The following ATP11C variants were observed in gnomAD, a reference collection of about 807,000 sequenced individuals.
ATP11C encodes phospholipid-transporting ATPase IG.
ATP11C carries 36 observed loss-of-function variants against 97.4 expected under a neutral mutation model. That is an observed-to-expected ratio of 0.37 (90% CI 0.28 to 0.49). The LOEUF is 0.49. Among genes scored for constraint, ATP11C ranks in the 20% least tolerant of loss-of-function variants. ATP11C has a pLI of 0.98. For synonymous variants in ATP11C, 275 were observed against 290.9 expected, an observed-to-expected ratio of 0.95 and a Z score of 0.56; for missense variants, 730 against 824.6, an observed-to-expected ratio of 0.89 and a Z score of 1.40.
intron 1 of ATP11C, among the ~76,000 whole-genome samples, chrX:139,848,173 C>T (rs1196443776): frequency 9.0e-6 from 1 of 111,701 alleles, no homozygotes; most frequent in Non-Finnish European, 1.9e-5. Flanking sequence ...GGTCTCTGGT[C>T]ACTTATTGCC....
At chrX:139,769,281 C>CATATAT (rs55984113) in intron 19 of ATP11C, among the ~76,000 whole-genome samples, 577 of 28,018 alleles carry the variant, frequency 0.021, 19 homozygotes, top group Non-Finnish European at 0.028. Flanking sequence ...GGCAAACATA[C>CATATAT]ATATATATAT....
chrX:139,761,927 A>G (rs770942284), intron 22 of ATP11C, 34 bp downstream of exon 22: 1 of 1,057,562 alleles, frequency 9.5e-7, no homozygotes, highest in Non-Finnish European at 1.3e-6. Context: ...GCTGGATTAA[A>G]AAGAAATTAA....
intron 1 of ATP11C, among the ~76,000 whole-genome samples, chrX:139,930,638 T>C (rs182139832): frequency 1.2e-3 from 138 of 112,045 alleles, no homozygotes; most frequent in African/African-American, 4.1e-3. Flanking sequence ...AGCAAAGCTA[T>C]CAGTACAAGC....
At chrX:139,856,186 G>A (rs1403424962) in intron 1 of ATP11C, among the ~76,000 whole-genome samples, 1 of 112,358 alleles carries the variant, frequency 8.9e-6, no homozygotes, top group African/African-American at 3.2e-5. Flanking sequence ...AGTCGACCAG[G>A]CGTGGACTGC....
intron 19 of ATP11C, among the ~76,000 whole-genome samples, chrX:139,772,030 A>G (rs1424932473): frequency 1.8e-5 from 2 of 112,172 alleles, no homozygotes; most frequent in African/African-American, 6.5e-5. Flanking sequence ...AGCCCCTCCC[A>G]TCACAGGCCC....
At chrX:139,791,668 T>TA (rs2082692846) in intron 12 of ATP11C, among the ~76,000 whole-genome samples, 1 of 111,104 alleles carries the variant, frequency 9.0e-6, no homozygotes. Context: ...GGATCATATT[T>TA]ACAGAACCAC....
In ATP11C at chrX:139,789,452, T is replaced by C; in HGVS notation, c.1243A>G (p.Thr415Ala). The change falls in exon 13 of 30, where the codon ACT (threonine) becomes GCT (alanine). Residue 415 changes from threonine (T) to alanine (A), a missense_variant. By Grantham distance (58) the Thr-to-Ala change is moderately conservative. Transcript: ENST00000682941. ...TCAATGAATTCCATGCTGTTTTCAG[T>C]GAGTGTTCCAGTCTTATCTGTAAAT... ...YVFTDKTGTL[T>A]ENSMEFIECC... 1 of 1,204,639 alleles carries C rather than the reference T, an allele frequency of 8.3e-7. No homozygotes were observed. The highest frequency in any genetic ancestry group is 1.1e-6 in the Non-Finnish European group (1 of 892,052).
At chrX:139,896,404 A>T (rs776085525) in intron 1 of ATP11C, among the ~76,000 whole-genome samples, 2 of 111,263 alleles carry the variant, frequency 1.8e-5, no homozygotes, top group South Asian at 7.7e-4. Context: ...AAAGTCTGAG[A>T]AACTGTCACA....
rs190663404 is a variant in ATP11C, at chrX:139,812,069, C to T, written c.426+2809G>A. 2.3e-3 allele frequency among the ~76,000 whole-genome samples: 252 copies of T among 111,137 alleles called. 2 individuals carry two copies. Among genetic ancestry groups the T allele is most frequent in the Non-Finnish European group, 3.7e-3 (198 of 53,065 alleles). ...TTTTAAAAATCATCAAGTCACTCTC[C>T]GGCTTTAACACTTCAAAGACTCCCC... On this transcript the variant is annotated intron_variant, in intron 5 of 29. Transcript: ENST00000682941.
intron 1 of ATP11C, among the ~76,000 whole-genome samples, chrX:139,863,611 T>C (rs2084236956): frequency 8.9e-6 from 1 of 111,757 alleles, no homozygotes; most frequent in South Asian, 3.8e-4. Flanking sequence ...TGGTATGCCA[T>C]TACTGATGCT....
At chrX:139,916,900 G>C (rs745541268) in intron 1 of ATP11C, among the ~76,000 whole-genome samples, 3 of 111,350 alleles carry the variant, frequency 2.7e-5, no homozygotes, top group Non-Finnish European at 3.8e-5. Flanking sequence ...AAAACCACGT[G>C]ACACTGGCGT....
intron 18 of ATP11C, among the ~76,000 whole-genome samples, chrX:139,782,051 G>A (rs1015893675): frequency 1.3e-4 from 15 of 112,031 alleles, no homozygotes; most frequent in Non-Finnish European, 2.6e-4. Flanking sequence ...TACTGGCTGG[G>A]TGTGGTGGCT....
intron 1 of ATP11C, among the ~76,000 whole-genome samples, chrX:139,844,101 T>G (rs1053912682): frequency 2.7e-5 from 3 of 111,616 alleles, no homozygotes; most frequent in African/African-American, 9.8e-5. Context: ...CCTTATAAAA[T>G]CAAAATGACC....
chrX:139,885,939 C>T (rs2084634304), intron 1 of ATP11C, among the ~76,000 whole-genome samples: 1 of 110,174 alleles, frequency 9.1e-6, no homozygotes, highest in Admixed American at 9.7e-5. Flanking sequence ...AATAATAAAA[C>T]ACAAAATGAT....
chrX:139,732,112 C>T (rs1459376703), intron 28 of ATP11C, among the ~76,000 whole-genome samples: 1 of 110,227 alleles, frequency 9.1e-6, no homozygotes, highest in Non-Finnish European at 1.9e-5. Flanking sequence ...AGAGTTGTGC[C>T]GGTGCCGTAT....
intron 1 of ATP11C, among the ~76,000 whole-genome samples, chrX:139,827,894 T>C (rs938628604): frequency 8.9e-6 from 1 of 111,943 alleles, no homozygotes; most frequent in Non-Finnish European, 1.9e-5. Context: ...CCAGTCTGAA[T>C]TTGTGCATCT....
At chrX:139,816,970 T>C in intron 3 of ATP11C, 27 bp from the exon 4 acceptor site, 1 of 1,065,823 alleles carries the variant, frequency 9.4e-7, no homozygotes, top group Non-Finnish European at 1.3e-6. Flanking sequence ...AAATTGAAAG[T>C]AAAATGAAAA....
intron 12 of ATP11C, among the ~76,000 whole-genome samples, chrX:139,790,531 C>A (rs1441156269): frequency 5.4e-5 from 6 of 110,486 alleles, no homozygotes; most frequent in Non-Finnish European, 1.1e-4. Context: ...GTACATTACC[C>A]ATTAAAAATT....
At chrX:139,907,706 C>T (rs866510511) in intron 1 of ATP11C, among the ~76,000 whole-genome samples, 57 of 109,036 alleles carry the variant, frequency 5.2e-4, no homozygotes, top group African/African-American at 1.8e-3. Context: ...CGAGATTGCG[C>T]CACTGCACTC....
Sources: gnomAD v4.1 joint callset for allele counts (sites outside exome capture counted in the v4.1 genomes callset) on GRCh38, gnomAD v4.1.1 for gene constraint, MANE v1.5 for transcripts, NCBI Gene and HGNC (gene_info 2026-07-23, HGNC 2026-07-21) for gene names.